TMEFF2: variants seen among roughly 807,000 people sequenced by gnomAD.
TMEFF2 encodes transmembrane protein with EGF like and two follistatin like domains 2.
In TMEFF2, 28 loss-of-function variants were observed where a neutral mutation model predicts 53.8. The ratio of observed to expected loss-of-function variants is 0.52; its 90% CI spans 0.39 to 0.71. The LOEUF (loss-of-function observed/expected upper bound fraction) is 0.71, where lower values mean the gene tolerates loss of function less well. Among genes scored for constraint, TMEFF2 ranks in the 30% least tolerant of loss-of-function variants. TMEFF2 has a pLI of 0.00. For synonymous variants in TMEFF2, 162 were observed against 166.3 expected, an observed-to-expected ratio of 0.97 and a Z score of 0.20; for missense variants, 353 against 455.2, an observed-to-expected ratio of 0.78 and a Z score of 2.04.
At chr2:191,955,041 C>G (rs1692023283) in intron 8 of TMEFF2, among the ~76,000 whole-genome samples, 1 of 149,772 alleles carries the variant, frequency 6.7e-6, no homozygotes, top group Non-Finnish European at 1.5e-5. Context: ...AGAGTAACTT[C>G]TCAGTTTTGT....
chr2:192,093,228 T>A (rs575344484), intron 4 of TMEFF2, among the ~76,000 whole-genome samples: 1 of 152,270 alleles, frequency 6.6e-6, no homozygotes, highest in Non-Finnish European at 1.5e-5. Flanking sequence ...AAATAGATGT[T>A]ACACAAATGT....
intron 5 of TMEFF2, among the ~76,000 whole-genome samples, chr2:192,025,538 T>C (rs1686952021): frequency 6.6e-6 from 1 of 152,202 alleles, no homozygotes; most frequent in Non-Finnish European, 1.5e-5. Context: ...GTTTTCTGTG[T>C]AGCAAAAAGC....
chr2:192,014,395 A>G (rs1327284621), intron 5 of TMEFF2, among the ~76,000 whole-genome samples: 3 of 152,078 alleles, frequency 2.0e-5, no homozygotes, highest in African/African-American at 7.2e-5. Context: ...ATATTTTTTC[A>G]TTGTCATGCC....
chr2:191,950,223 T>TA lies in TMEFF2; in HGVS notation c.*87dup, dbSNP rs1241402601. 6.3e-7 allele frequency: 1 copy of TA among 1,578,292 alleles called. No individual in the cohort carries two copies. Among genetic ancestry groups the TA allele is most frequent in the African/African-American group, 1.4e-5 (1 of 73,686 alleles). ...TACCACAAATGCAAGGCAACATGTG[T>TA]AGATCTCTTGTCTTATTCTTTTGTC... On this transcript the variant is annotated 3_prime_UTR_variant, in exon 10 of 10. Transcript: ENST00000272771.
chr2:192,059,664 G>A (rs1045432477), intron 4 of TMEFF2, among the ~76,000 whole-genome samples: 3 of 152,138 alleles, frequency 2.0e-5, no homozygotes, highest in Non-Finnish European at 4.4e-5. Flanking sequence ...GGGATTGACT[G>A]GAGGTCATCC....
At chr2:192,056,403 AGAG>A (rs913896091) in intron 5 of TMEFF2, among the ~76,000 whole-genome samples, 3 of 151,976 alleles carry the variant, frequency 2.0e-5, no homozygotes, top group African/African-American at 4.8e-5. Flanking sequence ...AAGAGGAAGA[AGAG>A]GAAGAGGAGG....
At chr2:191,951,769 T>C (rs972418116) in intron 9 of TMEFF2, among the ~76,000 whole-genome samples, 3 of 152,058 alleles carry the variant, frequency 2.0e-5, no homozygotes, top group Non-Finnish European at 4.4e-5. Context: ...CTCTAGAAGG[T>C]TTGGTGGTCT....
chr2:192,044,125 T>C, intron 5 of TMEFF2: 1 of 152,180 alleles, frequency 6.6e-6, no homozygotes, highest in Non-Finnish European at 1.5e-5. Context: ...AGGTCAGCAA[T>C]ATAGCTTCAC....
rs10179595 is a variant in TMEFF2 at position 192,113,714 on chromosome 2, A to T, written c.440-55939T>A. On this transcript the variant is annotated intron_variant, in intron 4 of 9. Transcript: ENST00000272771. ...TAAGCTTATATATGAAAATAATAAA[A>T]GTTCTCAAACAGTGAGTTTAATACT... Among the ~76,000 whole-genome samples the T allele has an allele frequency of 4.7e-3, 711 of 152,320 alleles. 7 individuals carry two copies. Among genetic ancestry groups the T allele is most frequent in the African/African-American group, 0.017 (691 of 41,586 alleles).
At chr2:191,958,412 T>C (rs148357375) in intron 7 of TMEFF2, among the ~76,000 whole-genome samples, 15 of 152,320 alleles carry the variant, frequency 9.8e-5, no homozygotes, top group African/African-American at 3.6e-4. Context: ...TCCAAACACA[T>C]CTTATTAGGA....
intron 7 of TMEFF2, among the ~76,000 whole-genome samples, chr2:191,988,854 A>G (rs769953013): frequency 2.0e-5 from 3 of 152,120 alleles, no homozygotes; most frequent in Admixed American, 6.6e-5. Flanking sequence ...ACATTACGTA[A>G]CGCTATCAAA....
chr2:192,121,625 A>G (rs1444816448), intron 4 of TMEFF2, among the ~76,000 whole-genome samples: 4 of 152,146 alleles, frequency 2.6e-5, no homozygotes, highest in Non-Finnish European at 4.4e-5. Context: ...CTGAAAGGAG[A>G]CTGCAGGTGA....
intron 5 of TMEFF2, among the ~76,000 whole-genome samples, chr2:192,009,868 T>C (rs938438362): frequency 6.6e-6 from 1 of 152,206 alleles, no homozygotes; most frequent in Non-Finnish European, 1.5e-5. Flanking sequence ...TTACTTTTAA[T>C]ATTTTCAAAA....
chr2:191,990,874 C>T (rs1279617989), intron 7 of TMEFF2, among the ~76,000 whole-genome samples: 1 of 151,536 alleles, frequency 6.6e-6, no homozygotes, highest in Non-Finnish European at 1.5e-5. Flanking sequence ...ATACTACATT[C>T]CTTTTTTTAA....
chr2:192,120,868 C>G (rs553159473), intron 4 of TMEFF2, among the ~76,000 whole-genome samples: 1 of 152,162 alleles, frequency 6.6e-6, no homozygotes, highest in East Asian at 1.9e-4. Context: ...TCCCGAATAG[C>G]TGGACTACAG....
chr2:192,194,577 C>G lies in TMEFF2; in HGVS notation c.-53G>C. ...AAACGGCTTCCGAGGAACACAGGAT[C>G]GCGGGGGCCGGGCAGCGGGCTACTG... On this transcript the variant is annotated 5_prime_UTR_variant, in exon 1 of 10. Coordinates refer to ENST00000272771, the MANE Select transcript of TMEFF2 (RefSeq NM_016192.4). This position sits in a 1 kb window ranked among gnomAD's most constrained non-coding sequence, Gnocchi z 4.2. 6.3e-7 allele frequency: 1 copy of G among 1,582,040 alleles called. No individual in the cohort carries two copies. The highest frequency in any genetic ancestry group is 1.7e-5 in the Admixed American group (1 of 59,054).
intron 4 of TMEFF2, among the ~76,000 whole-genome samples, chr2:192,146,510 T>G (rs186192462): frequency 1.1e-4 from 17 of 152,160 alleles, no homozygotes; most frequent in Middle Eastern, 3.4e-3. Flanking sequence ...ATTTGCAAGC[T>G]CTTCTCCCCA....
chr2:192,125,095 C>T (rs965487656), intron 4 of TMEFF2, among the ~76,000 whole-genome samples: 2 of 152,172 alleles, frequency 1.3e-5, no homozygotes, highest in Non-Finnish European at 2.9e-5. Context: ...TCATCCCAAA[C>T]AACAACACTT....
At chr2:192,014,073 T>G (rs186939806) in intron 5 of TMEFF2, among the ~76,000 whole-genome samples, 4 of 152,340 alleles carry the variant, frequency 2.6e-5, no homozygotes, top group Admixed American at 2.0e-4. Flanking sequence ...TTGTTAATTT[T>G]TGTTAAATGA....
Sources: allele counts gnomAD v4.1 joint callset (sites outside exome capture counted in the v4.1 genomes callset), GRCh38; gene constraint gnomAD v4.1.1; non-coding constraint Gnocchi (gnomAD v3.1); transcripts MANE v1.5; gene names NCBI Gene and HGNC (gene_info 2026-07-23, HGNC 2026-07-21).